The following SOX5 variants were observed in gnomAD, a reference collection of about 807,000 sequenced individuals.
SOX5 encodes transcription factor SOX-5.
Under a neutral mutation model 92.0 loss-of-function variants are expected in SOX5, and 9 were observed. The observed-to-expected ratio is 0.10, with a 90% CI of 0.06 to 0.17. The LOEUF (loss-of-function observed/expected upper bound fraction) is 0.17, where lower values mean the gene tolerates loss of function less well. Among genes scored for constraint, SOX5 ranks in the 10% least tolerant of loss-of-function variants. The pLI is 1.00. For synonymous variants in SOX5, 344 were observed against 336.3 expected (o/e 1.02, Z -0.25); for missense variants, 642 against 944.5 (o/e 0.68, Z 4.20).
intron 2 of SOX5, among the ~76,000 whole-genome samples, chr12:23,886,935 T>C (rs1049100281): frequency 6.6e-6 from 1 of 152,072 alleles, no homozygotes; most frequent in Non-Finnish European, 1.5e-5. Context: ...CAATACAGGG[T>C]TTCAAGTGTT....
intron 4 of SOX5, among the ~76,000 whole-genome samples, chr12:24,117,625 C>G (rs2138260725): frequency 6.6e-6 from 1 of 152,280 alleles, no homozygotes; most frequent in East Asian, 1.9e-4. Context: ...CAGTAGCATA[C>G]TATCCAGCGT....
At chr12:24,387,052 A>G (rs1438519387) in intron 1 of SOX5, among the ~76,000 whole-genome samples, 1 of 152,206 alleles carries the variant, frequency 6.6e-6, no homozygotes, top group Non-Finnish European at 1.5e-5. Flanking sequence ...CATGTAAATG[A>G]TTATACTGGT....
chr12:23,959,181 A>G (rs1280289152), intron 4 of SOX5, among the ~76,000 whole-genome samples: 1 of 151,962 alleles, frequency 6.6e-6, no homozygotes, highest in Non-Finnish European at 1.5e-5. Flanking sequence ...CAAAATTTAT[A>G]TAAAATTAAA....
intron 3 of SOX5, among the ~76,000 whole-genome samples, chr12:23,782,705 CA>C (rs2095305754): frequency 6.6e-6 from 1 of 152,120 alleles, no homozygotes; most frequent in Non-Finnish European, 1.5e-5. Context: ...TGTCTTTCCA[CA>C]AAGATTTATC....
At chr12:23,950,756 A>G, upstream of SOX5, 1 of 942,100 alleles carries the variant, frequency 1.1e-6, no homozygotes, top group Admixed American at 2.0e-5. Context: ...CACAGCCTCC[A>G]TAGCAGTTCC....
At chr12:23,621,449 A>G (rs118067810) in intron 8 of SOX5, among the ~76,000 whole-genome samples, 3,174 of 152,256 alleles carry the variant, frequency 0.021, 51 homozygotes, top group Middle Eastern at 0.044. Flanking sequence ...TGTAAGTTTT[A>G]TGTTATTTAT....
chr12:24,385,450 A>T lies in SOX5; in HGVS notation c.-250-16811T>A, dbSNP rs573096535. Among the ~76,000 whole-genome samples, 5 of 152,308 alleles carry T rather than the reference A, an allele frequency of 3.3e-5. No individual in the cohort carries two copies. The South Asian group carries it at 1.0e-3, about 32-fold the overall frequency. Reference sequence around the variant, plus strand: ...GACTTAACAGTATTTTCAATTTACAATGGGTTTATCAGGACATAACCCCAT... The same window carrying T: ...GACTTAACAGTATTTTCAATTTACATTGGGTTTATCAGGACATAACCCCAT... On this transcript the variant is annotated intron_variant, in intron 1 of 4. Transcript: ENST00000446891.
chr12:24,369,549 G>A (rs1956512790), intron 1 of SOX5, among the ~76,000 whole-genome samples: 1 of 152,190 alleles, frequency 6.6e-6, no homozygotes, highest in Non-Finnish European at 1.5e-5. Flanking sequence ...ACTCCATGGT[G>A]AGGACAACAG....
intron 4 of SOX5, among the ~76,000 whole-genome samples, chr12:24,027,558 G>A (rs1955015564): frequency 6.6e-6 from 1 of 151,962 alleles, no homozygotes; most frequent in Admixed American, 6.6e-5. Context: ...TTGGGGCAGA[G>A]GCATAGCAAG....
intron 8 of SOX5, among the ~76,000 whole-genome samples, chr12:23,630,463 A>C (rs1486315628): frequency 1.3e-5 from 2 of 151,936 alleles, no homozygotes; most frequent in Non-Finnish European, 2.9e-5. Flanking sequence ...TCTCAGTTTT[A>C]TTAACACACT....
At chr12:24,323,745 TG>T (rs1308191594) in intron 2 of SOX5, among the ~76,000 whole-genome samples, 1 of 152,086 alleles carries the variant, frequency 6.6e-6, no homozygotes. Context: ...AGCTGGTTCT[TG>T]GGATTGGGAA....
intron 5 of SOX5, chr12:23,738,558 A>G (rs945207520): frequency 6.6e-6 from 1 of 152,128 alleles, no homozygotes; most frequent in Admixed American, 6.6e-5. Context: ...TCCAAGGAGA[A>G]TGTCAGAGGT....
At chr12:24,454,281 A>C (rs1942732781) in intron 1 of SOX5, among the ~76,000 whole-genome samples, 1 of 152,214 alleles carries the variant, frequency 6.6e-6, no homozygotes, top group Admixed American at 6.5e-5. Flanking sequence ...GTGATCCAGC[A>C]TCACAATCCC....
rs1163938652 is a variant in SOX5 at position 23,578,117 on chromosome 12, C to CAAAAAAAAAAAAAAAAAAAAAAAAAAAA, written c.1165-2307_1165-2280dup. ...CCTGCGCAACAGAGTGAGACTGTGT[C>CAAAAAAAAAAAAAAAAAAAAAAAAAAAA]AAAAAAAAAAAAAAAAAAAAAAAAA... is the stretch of plus-strand genomic sequence containing the variant. On this transcript the variant is annotated intron_variant, in intron 9 of 14. Coordinates refer to ENST00000451604, the MANE Select transcript of SOX5 (RefSeq NM_006940.6). Among the ~76,000 whole-genome samples the CAAAAAAAAAAAAAAAAAAAAAAAAAAAA allele has an allele frequency of 3.7e-4, 13 of 34,896 alleles. 2 individuals are homozygous for CAAAAAAAAAAAAAAAAAAAAAAAAAAAA. Among genetic ancestry groups the CAAAAAAAAAAAAAAAAAAAAAAAAAAAA allele is most frequent in the East Asian group, 6.5e-4 (1 of 1,528 alleles). The allele number at this position is 34,896 out of a possible 152,430, so 22.9% of individuals were successfully genotyped here.
intron 3 of SOX5, among the ~76,000 whole-genome samples, chr12:24,222,455 T>G (rs1565688328): frequency 6.6e-6 from 1 of 152,084 alleles, no homozygotes; most frequent in Non-Finnish European, 1.5e-5. Context: ...CAAGGATGAC[T>G]CCTACATGCT....
At position 24,088,417 on chromosome 12, in the gene SOX5, G is replaced by T. The variant is rs74694589; in HGVS notation, c.-2+124926C>A. On this transcript the variant is annotated intron_variant, in intron 4 of 4. Transcript: ENST00000446891. ...ATTTTCACTACTAAAAGCTGCTTTA[G>T]TGAGGTTTGCATGGGCATTGACTTA... Among the ~76,000 whole-genome samples the T allele has an allele frequency of 3.4e-3, 512 of 152,062 alleles. 7 individuals carry two copies. Among genetic ancestry groups the T allele is most frequent in the African/African-American group, 0.012 (485 of 41,506 alleles).
At chr12:24,489,465 G>T (rs1283095962) in intron 1 of SOX5, among the ~76,000 whole-genome samples, 1 of 152,104 alleles carries the variant, frequency 6.6e-6, no homozygotes, top group Non-Finnish European at 1.5e-5. Flanking sequence ...CCACAGCTGT[G>T]CCTGGAAGAA....
chr12:24,530,286 A>C (rs1371115367), intron 1 of SOX5, among the ~76,000 whole-genome samples: 1 of 152,230 alleles, frequency 6.6e-6, no homozygotes, highest in Non-Finnish European at 1.5e-5. Flanking sequence ...AAGGAAAGAA[A>C]GAGTCAGAGT....
chr12:24,515,134 AT>A (rs2138377821), intron 1 of SOX5, among the ~76,000 whole-genome samples: 1 of 152,334 alleles, frequency 6.6e-6, no homozygotes, highest in Admixed American at 6.5e-5. Context: ...GAATTGACTC[AT>A]TTGTATTCCA....
Sources: gnomAD v4.1 joint callset for allele counts (sites outside exome capture counted in the v4.1 genomes callset) on GRCh38, gnomAD v4.1.1 for gene constraint, MANE v1.5 for transcripts, NCBI Gene and HGNC (gene_info 2026-07-23, HGNC 2026-07-21) for gene names.